Variants in ME1 observed in about 807,000 individuals in gnomAD.
ME1 encodes the protein NADP-dependent malic enzyme.
A neutral mutation model predicts 66.4 loss-of-function variants in ME1; 74 were observed. That is an observed-to-expected ratio of 1.11 (90% CI 0.92 to 1.35). The LOEUF is 1.35. Among genes scored for constraint, ME1 ranks in the 40% most tolerant of loss-of-function variants. The probability of loss-of-function intolerance (pLI) is 0.00; values close to 1 mark genes in which losing one functional copy is unlikely to be tolerated. For missense variants in ME1, 750 were observed against 694.1 expected (o/e 1.08, Z -0.90); for synonymous variants, 251 against 235.6 (o/e 1.07, Z -0.60).
At chr6:83,405,278 C>T (rs777824844) in intron 2 of ME1, among the ~76,000 whole-genome samples, 9 of 151,968 alleles carry the variant, frequency 5.9e-5, no homozygotes, top group Non-Finnish European at 1.3e-4. Flanking sequence ...ATTGTGAATG[C>T]GAGTTCATTC....
chr6:83,270,329 A>T (rs916660424), intron 6 of ME1, among the ~76,000 whole-genome samples: 2 of 152,180 alleles, frequency 1.3e-5, no homozygotes, highest in Non-Finnish European at 2.9e-5. Flanking sequence ...ACTGCACAAC[A>T]AATCAGGTCC....
At chr6:83,257,572 G>A (rs1243569390) in intron 6 of ME1, among the ~76,000 whole-genome samples, 3 of 152,186 alleles carry the variant, frequency 2.0e-5, no homozygotes, top group South Asian at 2.1e-4. Context: ...TGAAGGGAAC[G>A]TAAACTTTTT....
chr6:83,259,223 T>G (rs1766836458), intron 6 of ME1, among the ~76,000 whole-genome samples: 1 of 152,186 alleles, frequency 6.6e-6, no homozygotes, highest in South Asian at 2.1e-4. Flanking sequence ...AATTACCCAT[T>G]TTTTATAATG....
rs779347071 is a variant in ME1, at chr6:83,430,867, G to T, written c.78+10C>A. 7 of 1,596,726 alleles carry T rather than the reference G, an allele frequency of 4.4e-6. No homozygotes were observed. The Admixed American group carries it at 1.0e-4, about 23-fold the overall frequency. On this transcript the variant is annotated intron_variant, in intron 1 of 13. Coordinates refer to ENST00000369705, the MANE Select transcript of ME1 (RefSeq NM_002395.6). ...GGCCGATGGGCGGCCAGGTGGGCCT[G>T]CGGGTTTACCTTGTTGAGGTGAGGG...
At chr6:83,301,398 A>C (rs1767718293) in intron 6 of ME1, among the ~76,000 whole-genome samples, 1 of 151,030 alleles carries the variant, frequency 6.6e-6, no homozygotes, top group African/African-American at 2.4e-5. Flanking sequence ...ACTAGAGTGC[A>C]GTGGCACAAT....
In ME1 at chr6:83,228,942, C is replaced by G. The variant is rs761386587; in HGVS notation, c.1027-11G>C. Reference sequence around the variant, plus strand: ...TAAGGAAGCACGTCCCTAAGTAAAGCCAGTAAGAAAAAATTAAGAATCTGC... The same window carrying G: ...TAAGGAAGCACGTCCCTAAGTAAAGGCAGTAAGAAAAAATTAAGAATCTGC... On this transcript the variant is annotated splice_polypyrimidine_tract_variant and intron_variant, in intron 9 of 13. Transcript: ENST00000369705. The G allele has an allele frequency of 3.2e-5, 50 of 1,572,806 alleles. No individual in the cohort carries two copies. In the South Asian group the frequency reaches 5.9e-4, roughly 18 times the overall value.
At chr6:83,301,251 T>G (rs1176886042) in intron 6 of ME1, among the ~76,000 whole-genome samples, 1 of 151,102 alleles carries the variant, frequency 6.6e-6, no homozygotes, top group Admixed American at 6.6e-5. Context: ...TCCTTTCTCT[T>G]TCTTTCTTTC....
At position 83,241,740 on chromosome 6, in the gene ME1, T is replaced by C. The variant is rs1790513368; in HGVS notation, c.815-2104A>G. Among the ~76,000 whole-genome samples, 3 of 152,328 alleles carry C rather than the reference T, an allele frequency of 2.0e-5. No homozygotes were observed. The South Asian group carries it at 6.2e-4, about 32-fold the overall frequency. Reference sequence around the variant, plus strand: ...GTAGAAAATTGAAATTTCATAAAACTGTAAATTTTTACAATAAATTATTCC... The same window carrying C: ...GTAGAAAATTGAAATTTCATAAAACCGTAAATTTTTACAATAAATTATTCC... On this transcript the variant is annotated intron_variant, in intron 7 of 13. Coordinates refer to ENST00000369705, the MANE Select transcript of ME1 (RefSeq NM_002395.6).
At chr6:83,281,895 G>GA (rs1476830625) in intron 6 of ME1, among the ~76,000 whole-genome samples, 5 of 128,868 alleles carry the variant, frequency 3.9e-5, no homozygotes, top group African/African-American at 1.5e-4. Flanking sequence ...ACCAAACACT[G>GA]AATGTTCTCA....
At chr6:83,228,966 G>A in intron 9 of ME1, 35 bp from the exon 10 acceptor site, 1 of 1,412,138 alleles carries the variant, frequency 7.1e-7, no homozygotes, top group Non-Finnish European at 9.8e-7. Context: ...TTAAGAATCT[G>A]CCAAACATGT....
At chr6:83,251,796 G>A (rs540255091) in intron 7 of ME1, among the ~76,000 whole-genome samples, 25 of 152,192 alleles carry the variant, frequency 1.6e-4, no homozygotes, top group African/African-American at 5.8e-4. Context: ...TGCATTTTGG[G>A]CCACATTCAG....
At chr6:83,422,216 G>C (rs1383923903) in intron 1 of ME1, among the ~76,000 whole-genome samples, 1 of 152,168 alleles carries the variant, frequency 6.6e-6, no homozygotes, top group Middle Eastern at 3.2e-3. Context: ...CTACTGCACA[G>C]ATCCCACACT....
In ME1 at chr6:83,342,316, TTG is replaced by T. The variant is rs141799821; in HGVS notation, c.600+3855_600+3856del. On this transcript the variant is annotated intron_variant, in intron 5 of 13. Transcript: ENST00000369705. ...TTTCTTGCTTTATTCTTTCCTTGCG[TTG>T]TGTGTTTTGTCCAATTCTTTGTTCA... Among the ~76,000 whole-genome samples, 880 of 152,294 alleles carry T rather than the reference TTG, an allele frequency of 5.8e-3. 8 individuals carry two copies. The highest frequency in any genetic ancestry group is 0.02 in the African/African-American group (841 of 41,570).
chr6:83,299,928 G>C (rs971367452), intron 6 of ME1, among the ~76,000 whole-genome samples: 1 of 152,116 alleles, frequency 6.6e-6, no homozygotes, highest in South Asian at 2.1e-4. Flanking sequence ...TGTTGAACCA[G>C]CCTTGCATCC....
chr6:83,273,592 AT>A (rs1212429594), intron 6 of ME1, among the ~76,000 whole-genome samples: 1 of 152,184 alleles, frequency 6.6e-6, no homozygotes, highest in African/African-American at 2.4e-5. Flanking sequence ...ATGATGAAGT[AT>A]TTTCTACATA....
At chr6:83,341,331 A>C (rs1535588) in intron 5 of ME1, among the ~76,000 whole-genome samples, 50,698 of 152,004 alleles carry the variant, frequency 0.33, 8,841 homozygotes, top group Middle Eastern at 0.5. Flanking sequence ...GTGTATCTTT[A>C]GCCCATAATA....
intron 3 of ME1, among the ~76,000 whole-genome samples, chr6:83,379,658 T>G (rs1179957342): frequency 1.3e-5 from 2 of 152,064 alleles, no homozygotes; most frequent in East Asian, 3.8e-4. Flanking sequence ...ATTTTTTTAG[T>G]TGATGAGTCA....
chr6:83,390,894 A>C (rs922826167), intron 3 of ME1, among the ~76,000 whole-genome samples: 8 of 152,116 alleles, frequency 5.3e-5, no homozygotes, highest in Admixed American at 4.6e-4. Context: ...ATATACATAC[A>C]TAAAAACACA....
chr6:83,402,126 C>T (rs1234099493), intron 2 of ME1, among the ~76,000 whole-genome samples: 1 of 152,100 alleles, frequency 6.6e-6, no homozygotes, highest in African/African-American at 2.4e-5. Context: ...CAATGTTTCC[C>T]AACAATCTGA....
Sources: gnomAD v4.1 joint callset for allele counts (sites outside exome capture counted in the v4.1 genomes callset) on GRCh38, gnomAD v4.1.1 for gene constraint, MANE v1.5 for transcripts, NCBI Gene and HGNC (gene_info 2026-07-23, HGNC 2026-07-21) for gene names.